The following UTRN variants were observed in gnomAD, a reference collection of about 807,000 sequenced individuals.
UTRN encodes dystrophin-related protein 1.
UTRN carries 283 observed loss-of-function variants against 463.9 expected under a neutral mutation model. The observed-to-expected ratio is 0.61, with a 90% confidence interval of 0.55 to 0.67. UTRN has a LOEUF of 0.67. UTRN is among the 30% of genes least tolerant of loss of function. The pLI is 0.00. For synonymous variants in UTRN, 1,442 were observed against 1,431.5 expected (o/e 1.01, Z -0.17); for missense variants, 3,922 against 4,084.3 (o/e 0.96, Z 1.08).
intron 60 of UTRN, among the ~76,000 whole-genome samples, chr6:144,779,185 C>T (rs1157045317): frequency 6.6e-6 from 1 of 152,162 alleles, no homozygotes; most frequent in Non-Finnish European, 1.5e-5. Flanking sequence ...TGCTGTGTTA[C>T]TGGCATAATT....
intron 33 of UTRN, among the ~76,000 whole-genome samples, chr6:144,497,348 G>A (rs768381480): frequency 7.9e-5 from 12 of 151,214 alleles, no homozygotes; most frequent in Non-Finnish European, 1.3e-4. Flanking sequence ...GCTTGATGAT[G>A]TGGATGGTGT....
At chr6:144,430,733 G>A (rs1399712661) in intron 9 of UTRN, among the ~76,000 whole-genome samples, 1 of 151,834 alleles carries the variant, frequency 6.6e-6, no homozygotes, top group East Asian at 1.9e-4. Context: ...ATTTGTTTTG[G>A]CATTCTCATT....
intron 51 of UTRN, among the ~76,000 whole-genome samples, chr6:144,619,103 T>TTA (rs1338522266): frequency 6.6e-6 from 1 of 152,180 alleles, no homozygotes; most frequent in Non-Finnish European, 1.5e-5. Context: ...CATAGTAAGT[T>TTA]TAGAGTCATA....
intron 23 of UTRN, among the ~76,000 whole-genome samples, chr6:144,470,299 T>C (rs1249273869): frequency 9.9e-5 from 15 of 151,454 alleles, no homozygotes; most frequent in Admixed American, 7.9e-4. Flanking sequence ...GCCCCCCACC[T>C]CCCAGACGGG....
chr6:144,377,443 T>A (rs74613567), intron 2 of UTRN, among the ~76,000 whole-genome samples: 2,740 of 152,306 alleles, frequency 0.018, 43 homozygotes, highest in Middle Eastern at 0.082. Context: ...TCTATTAAGT[T>A]AAAATCTGTG....
intron 3 of UTRN, among the ~76,000 whole-genome samples, chr6:144,416,222 A>G (rs1216266419): frequency 6.6e-6 from 1 of 152,182 alleles, no homozygotes; most frequent in African/African-American, 2.4e-5. Context: ...GTGTGCCTGT[A>G]GACAAGATCT....
rs772359425 is a variant in UTRN at position 144,491,001 on chromosome 6, G to A, written c.4336G>A (p.Asp1446Asn). The A allele has an allele frequency of 6.2e-7, 1 of 1,614,080 alleles. No individual in the cohort carries two copies. The highest frequency in any genetic ancestry group is 1.7e-5 in the Admixed American group (1 of 59,986). Residue 1446 changes from aspartate to asparagine, a missense_variant, in exon 32 of 75, where the codon GAC becomes AAC. By Grantham distance (23) the Asp-to-Asn change is conservative. Around this residue, in one of 3 missense-constraint regions of UTRN, gnomAD observed 2,349 missense variants for 2,303.8 expected, o/e 1.02. Coordinates refer to ENST00000367545, the MANE Select transcript of UTRN (RefSeq NM_007124.3). ...KPANFEQRML[D>N]CKRVLDGVKA... is the part of the protein sequence containing the mutation. ...AGCTAACTTCGAGCAGCGCATGCTG[G>A]ACTGCAAGCGTGTGCTGGATGGCGT... is the stretch of plus-strand genomic sequence containing the variant.
chr6:144,678,651 A>G (rs1342800203), intron 52 of UTRN, 73 bp downstream of exon 52: 5 of 1,374,956 alleles, frequency 3.6e-6, no homozygotes, highest in South Asian at 1.5e-5. Context: ...TGTATATCAG[A>G]AAGAGAAAGC....
At chr6:144,464,596 G>T (rs766508622) in intron 23 of UTRN, among the ~76,000 whole-genome samples, 4 of 152,010 alleles carry the variant, frequency 2.6e-5, no homozygotes, top group Non-Finnish European at 5.9e-5. Flanking sequence ...AGCCTCCCGG[G>T]TTCAAGCAGT....
At chr6:144,575,890 T>C (rs1158074431) in intron 50 of UTRN, among the ~76,000 whole-genome samples, 1 of 152,114 alleles carries the variant, frequency 6.6e-6, no homozygotes, top group South Asian at 2.1e-4. Context: ...AGAAACCCCA[T>C]ACCATTAGTA....
At chr6:144,830,122 T>C (rs1780539018) in intron 69 of UTRN, among the ~76,000 whole-genome samples, 1 of 152,184 alleles carries the variant, frequency 6.6e-6, no homozygotes, top group African/African-American at 2.4e-5. Flanking sequence ...ATCTTACTTC[T>C]TTAAAATGTT....
chr6:144,558,058 T>C (rs966409231), intron 50 of UTRN, among the ~76,000 whole-genome samples: 1 of 152,326 alleles, frequency 6.6e-6, no homozygotes, highest in Middle Eastern at 3.4e-3. Context: ...AATGCAACTG[T>C]CTTAAAACCA....
At chr6:144,756,620 A>G (rs1396852291) in intron 57 of UTRN, among the ~76,000 whole-genome samples, 1 of 152,186 alleles carries the variant, frequency 6.6e-6, no homozygotes, top group Non-Finnish European at 1.5e-5. Context: ...GCACAAAATA[A>G]AAACTGACCT....
At chr6:144,819,956 T>G in intron 65 of UTRN, among the ~76,000 whole-genome samples, 1 of 144,716 alleles carries the variant, frequency 6.9e-6, no homozygotes, top group Non-Finnish European at 1.5e-5. Context: ...GAGGAGGGAG[T>G]GAGGTATAAT....
In UTRN at chr6:144,563,637, C is replaced by T. The variant is rs145746133; in HGVS notation, c.7289+6326C>T. On this transcript the variant is annotated intron_variant, in intron 50 of 74. Transcript: ENST00000367545. The stretch of plus-strand genomic sequence containing the variant: ...TATCCTCTCGGAAGCTTACTTCTTT[C>T]CCTGAAAATCACCTTTATTTTTCAA... Among the ~76,000 whole-genome samples the T allele has an allele frequency of 1.2e-3, 187 of 152,204 alleles. 1 individual carries two copies. The highest frequency in any genetic ancestry group is 4.2e-3 in the African/African-American group (175 of 41,550).
In UTRN at chr6:144,598,891, G is replaced by C. The variant is rs140773581; in HGVS notation, c.7479+21603G>C. On this transcript the variant is annotated intron_variant, in intron 51 of 74. Transcript: ENST00000367545. ...CCCAGAGGAGGGATCCATTCAGTTG[G>C]TTGGGGGCCATAGAATTTTACTTTT... Among the ~76,000 whole-genome samples the C allele has an allele frequency of 4.7e-3, 723 of 152,284 alleles. 13 individuals carry two copies. Among genetic ancestry groups the C allele is most frequent in the African/African-American group, 0.017 (698 of 41,556 alleles).
At chr6:144,451,262 A>G in intron 17 of UTRN, 108 bp from the exon 18 acceptor site, 2 of 1,289,032 alleles carry the variant, frequency 1.6e-6, no homozygotes, top group South Asian at 1.9e-5. Flanking sequence ...TTTTTGGGGG[A>G]GTGATAAAAA....
At chr6:144,415,189 C>T (rs375772552) in intron 3 of UTRN, among the ~76,000 whole-genome samples, 2 of 152,074 alleles carry the variant, frequency 1.3e-5, no homozygotes, top group African/African-American at 2.4e-5. Context: ...TATTCCATCT[C>T]GGTTTGTGTA....
rs537360937 is a variant in UTRN, at chr6:144,319,332, A to T, written c.79+27425A>T. On this transcript the variant is annotated intron_variant, in intron 2 of 74. Coordinates refer to ENST00000367545, the MANE Select transcript of UTRN (RefSeq NM_007124.3). ...CTGTACTTGTGTGTTGCCTTTTGGCAGAGACTTCGACACTTAAGGATTTGT... is the reference window on the plus strand; with the variant it reads ...CTGTACTTGTGTGTTGCCTTTTGGCTGAGACTTCGACACTTAAGGATTTGT... Among the ~76,000 whole-genome samples the T allele has an allele frequency of 3.3e-5, 5 of 152,252 alleles. No homozygotes were observed. In the South Asian group the frequency reaches 8.3e-4, roughly 25 times the overall value.
Sources: allele counts gnomAD v4.1 joint callset (sites outside exome capture counted in the v4.1 genomes callset), GRCh38; gene constraint gnomAD v4.1.1; regional missense constraint gnomAD v4.1.1; transcripts MANE v1.5; gene names NCBI Gene and HGNC (gene_info 2026-07-23, HGNC 2026-07-21).